The following GTF2F2 variants were observed in gnomAD, a reference collection of about 807,000 sequenced individuals.
The protein encoded by GTF2F2 is general transcription factor IIF subunit 2, also known as ATP-dependent helicase GTF2F2.
Under a neutral mutation model 42.2 loss-of-function variants are expected in GTF2F2, and 23 were observed. That is an observed-to-expected ratio of 0.55 (90% CI 0.39 to 0.77). The LOEUF is 0.77. GTF2F2 is among the 30% of genes least tolerant of loss of function. GTF2F2 has a pLI of 0.00. For missense variants in GTF2F2, 261 were observed against 287.2 expected, an observed-to-expected ratio of 0.91 and a Z score of 0.66; for synonymous variants, 105 against 100.8, an observed-to-expected ratio of 1.04 and a Z score of -0.25.
chr13:45,183,650 A>G (rs1214786896), intron 4 of GTF2F2, among the ~76,000 whole-genome samples: 1 of 152,096 alleles, frequency 6.6e-6, no homozygotes. Context: ...TTTCTGACAA[A>G]GAAGGGAATG....
chr13:45,133,442 G>C (rs1869463663), intron 1 of GTF2F2, among the ~76,000 whole-genome samples: 1 of 152,174 alleles, frequency 6.6e-6, no homozygotes, highest in Non-Finnish European at 1.5e-5. Context: ...GGACACAAAG[G>C]AATGTGCTCT....
At chr13:45,175,371 G>A (rs1353524741) in intron 4 of GTF2F2, among the ~76,000 whole-genome samples, 1 of 151,994 alleles carries the variant, frequency 6.6e-6, no homozygotes, top group Admixed American at 6.6e-5. Flanking sequence ...TCCATATCTT[G>A]GCTATTGTGA....
At chr13:45,283,304 C>T (rs1387313467) in intron 7 of GTF2F2, 138 bp from the exon 8 acceptor site, 2 of 637,854 alleles carry the variant, frequency 3.1e-6, no homozygotes, top group South Asian at 2.3e-5. Context: ...TATTGAACCT[C>T]CTTATAGAGA....
At chr13:45,149,974 T>C (rs1056435147) in intron 3 of GTF2F2, among the ~76,000 whole-genome samples, 186 bp downstream of exon 3, 1 of 152,224 alleles carries the variant, frequency 6.6e-6, no homozygotes, top group Admixed American at 6.5e-5. Flanking sequence ...TTGTTCATTC[T>C]CAGCATTTTT....
chr13:45,125,732 C>G (rs1422517188), intron 1 of GTF2F2, among the ~76,000 whole-genome samples: 1 of 152,122 alleles, frequency 6.6e-6, no homozygotes, highest in Non-Finnish European at 1.5e-5. Flanking sequence ...TTCAAGGAAA[C>G]ATGGGAATAA....
intron 4 of GTF2F2, among the ~76,000 whole-genome samples, chr13:45,154,382 G>A (rs537091276): frequency 2.0e-5 from 3 of 152,222 alleles, no homozygotes; most frequent in Non-Finnish European, 2.9e-5. Flanking sequence ...AACATTTCGT[G>A]TTCACGTTTC....
intron 4 of GTF2F2, among the ~76,000 whole-genome samples, chr13:45,184,391 C>T (rs1388284780): frequency 6.7e-6 from 1 of 148,712 alleles, no homozygotes; most frequent in East Asian, 2.0e-4. Flanking sequence ...TTTATTCCCC[C>T]CCGCCCTTTT....
In GTF2F2 at chr13:45,238,649, GAA is replaced by G. The variant is rs10711964; in HGVS notation, c.387-14211_387-14210del. On this transcript the variant is annotated intron_variant, in intron 5 of 7. Transcript: ENST00000340473. ...CACATCATGCCTGACTTGAAGTAAA[GAA>G]AAAAAAAAAATAGTCGGGTGCAGTG... Among the ~76,000 whole-genome samples the G allele has an allele frequency of 2.3e-3, 344 of 146,788 alleles. 3 individuals are homozygous for G. The highest frequency in any genetic ancestry group is 0.021 in the East Asian group (105 of 4,952).
chr13:45,259,748 C>G (rs1169723908), intron 6 of GTF2F2, among the ~76,000 whole-genome samples: 1 of 150,350 alleles, frequency 6.7e-6, no homozygotes, highest in Non-Finnish European at 1.5e-5. Context: ...AGCTCCGCCT[C>G]CCGGATTCAT....
chr13:45,138,412 C>G (rs562813742), intron 2 of GTF2F2, among the ~76,000 whole-genome samples: 15 of 152,328 alleles, frequency 9.8e-5, no homozygotes, highest in African/African-American at 3.1e-4. Context: ...GAATCAACCA[C>G]TGACCTACTA....
chr13:45,180,804 A>G (rs1379251860), intron 4 of GTF2F2, among the ~76,000 whole-genome samples: 3 of 152,146 alleles, frequency 2.0e-5, no homozygotes, highest in African/African-American at 7.2e-5. Context: ...CTTTAAAAGA[A>G]GTATATTTTT....
chr13:45,158,403 A>G (rs561587698), intron 4 of GTF2F2, among the ~76,000 whole-genome samples: 1 of 152,276 alleles, frequency 6.6e-6, no homozygotes, highest in South Asian at 2.1e-4. Flanking sequence ...TTTTCTTTAT[A>G]AATTACCCAG....
rs968532831 is a variant in GTF2F2 at position 45,284,552 on chromosome 13, CAAAG to C, written c.*994_*997del. 8 of 152,036 alleles carry C rather than the reference CAAAG, an allele frequency of 5.3e-5. No homozygotes were observed. The highest frequency in any genetic ancestry group is 1.7e-4 in the African/African-American group (7 of 41,404). The allele number at this position is 152,036 out of a possible 1,614,324, so 9.4% of individuals were successfully genotyped here. A position where few individuals can be genotyped will look rare whatever the true frequency, so the allele number is the denominator to read the frequency against. Reference sequence around the variant, plus strand: ...ATACTGTCAAGACCATCAAACAAAACAAAGAAGCTTAAGTGAACTAAGCACAGGG... The same window carrying C: ...ATACTGTCAAGACCATCAAACAAAACAAGCTTAAGTGAACTAAGCACAGGG... On this transcript the variant is annotated 3_prime_UTR_variant, in exon 8 of 8. Coordinates refer to ENST00000340473, the MANE Select transcript of GTF2F2 (RefSeq NM_004128.3).
chr13:45,146,890 A>G (rs764680138), intron 2 of GTF2F2, among the ~76,000 whole-genome samples: 2 of 152,238 alleles, frequency 1.3e-5, no homozygotes, highest in Non-Finnish European at 2.9e-5. Flanking sequence ...CAAAGGGTAT[A>G]TTATAGTTGT....
At chr13:45,189,203 T>G (rs1018822090) in intron 4 of GTF2F2, among the ~76,000 whole-genome samples, 7 of 152,204 alleles carry the variant, frequency 4.6e-5, no homozygotes, top group Non-Finnish European at 8.8e-5. Context: ...GTTTCCAGCT[T>G]CATCCATGTC....
At chr13:45,232,789 T>A (rs939186687) in intron 5 of GTF2F2, among the ~76,000 whole-genome samples, 1 of 152,214 alleles carries the variant, frequency 6.6e-6, no homozygotes, top group Non-Finnish European at 1.5e-5. Flanking sequence ...AAACTAACAG[T>A]TACATAAATA....
intron 6 of GTF2F2, among the ~76,000 whole-genome samples, chr13:45,259,672 T>G (rs1393546689): frequency 9.1e-6 from 1 of 109,676 alleles, no homozygotes; most frequent in South Asian, 2.8e-4. Flanking sequence ...TTTTTTTTTT[T>G]TGTGAGACAG....
intron 5 of GTF2F2, among the ~76,000 whole-genome samples, chr13:45,218,783 A>G (rs867644962): frequency 6.6e-6 from 1 of 152,216 alleles, no homozygotes; most frequent in Non-Finnish European, 1.5e-5. Context: ...GCTGTTAATC[A>G]AGTCTTTAGC....
chr13:45,282,090 A>G lies in GTF2F2; in HGVS notation c.631-1352A>G, dbSNP rs527608859. Among the ~76,000 whole-genome samples, 5 of 152,276 alleles carry G rather than the reference A, an allele frequency of 3.3e-5. No individual in the cohort carries two copies. The South Asian group carries it at 1.0e-3, about 32-fold the overall frequency. Reference sequence around the variant, plus strand: ...GTGGCATGCGCCTGTAATCCCAGCTACTTGGGAGGAGGCAGGAGAATCGCT... The same window carrying G: ...GTGGCATGCGCCTGTAATCCCAGCTGCTTGGGAGGAGGCAGGAGAATCGCT... On this transcript the variant is annotated intron_variant, in intron 7 of 7. Coordinates refer to ENST00000340473, the MANE Select transcript of GTF2F2 (RefSeq NM_004128.3).
Sources: gnomAD v4.1 joint callset for allele counts (sites outside exome capture counted in the v4.1 genomes callset) on GRCh38, gnomAD v4.1.1 for gene constraint, MANE v1.5 for transcripts, NCBI Gene and HGNC (gene_info 2026-07-23, HGNC 2026-07-21) for gene names.